Variants in ZNF710 observed in about 807,000 individuals in gnomAD.
The protein encoded by ZNF710 is zinc finger protein 710.
A neutral mutation model predicts 50.6 loss-of-function variants in ZNF710; 13 were observed. The ratio of observed to expected loss-of-function variants is 0.26; its 90% CI spans 0.17 to 0.41. ZNF710 has a LOEUF of 0.41. ZNF710 is among the 10% of genes least tolerant of loss of function. The pLI is 1.00. For missense variants in ZNF710, 721 were observed against 936.6 expected (o/e 0.77, Z 3.01); for synonymous variants, 383 against 397.0 (o/e 0.96, Z 0.42).
chr15:90,035,679 TG>T (rs1899101237), intron 1 of ZNF710, among the ~76,000 whole-genome samples: 1 of 152,202 alleles, frequency 6.6e-6, no homozygotes, highest in African/African-American at 2.4e-5. Flanking sequence ...GTCAACAACA[TG>T]GGGACGTGTA....
At chr15:90,009,786 C>T (rs1247885139) in intron 1 of ZNF710, among the ~76,000 whole-genome samples, 2 of 152,048 alleles carry the variant, frequency 1.3e-5, no homozygotes, top group Non-Finnish European at 2.9e-5. Context: ...CTCTCTCCCC[C>T]TCTTCTCCTT....
chr15:90,076,413 G>A (rs1468571695), intron 4 of ZNF710: 2 of 152,248 alleles, frequency 1.3e-5, no homozygotes, highest in Admixed American at 6.5e-5. Flanking sequence ...CTGGGACCAT[G>A]AAGAGACTGT....
At chr15:90,056,986 C>G (rs990277160) in intron 1 of ZNF710, among the ~76,000 whole-genome samples, 2 of 152,138 alleles carry the variant, frequency 1.3e-5, no homozygotes, top group Admixed American at 1.3e-4. Context: ...CTTCTGGGAT[C>G]AGCATTCCCT....
chr15:90,057,903 T>C (rs1899874694), intron 1 of ZNF710, among the ~76,000 whole-genome samples: 1 of 152,102 alleles, frequency 6.6e-6, no homozygotes, highest in Non-Finnish European at 1.5e-5. Flanking sequence ...AGTTTGTGTC[T>C]GAGAAGTCAC....
upstream of ZNF710, among the ~76,000 whole-genome samples, chr15:89,998,765 TAG>T (rs1897963318): frequency 6.6e-6 from 1 of 152,140 alleles, no homozygotes; most frequent in African/African-American, 2.4e-5. Flanking sequence ...ACAGAAAAGT[TAG>T]AGAGGTTGAC....
intron 4 of ZNF710, among the ~76,000 whole-genome samples, chr15:90,077,406 G>A (rs1359487639): frequency 6.6e-6 from 1 of 151,994 alleles, no homozygotes; most frequent in Admixed American, 6.6e-5. Context: ...ACCACGCCCG[G>A]CTAATTTTTT....
At chr15:90,057,460 C>T (rs1446526866) in intron 1 of ZNF710, among the ~76,000 whole-genome samples, 3 of 151,994 alleles carry the variant, frequency 2.0e-5, no homozygotes, top group Admixed American at 1.3e-4. Context: ...CTTCGGGAGG[C>T]CAAGCTGGGT....
intron 1 of ZNF710, among the ~76,000 whole-genome samples, chr15:90,032,155 GCCTAGCTAA>G (rs1266434131): frequency 6.6e-6 from 1 of 152,104 alleles, no homozygotes; most frequent in Non-Finnish European, 1.5e-5. Flanking sequence ...CTGCCACCAC[GCCTAGCTAA>G]TTTTTGTATT....
intron 1 of ZNF710, among the ~76,000 whole-genome samples, chr15:90,012,290 AT>A (rs1026567607): frequency 0.031 from 2,971 of 94,600 alleles, 23 homozygotes; most frequent in African/African-American, 0.074. Flanking sequence ...TTGAGTGTGC[AT>A]TTTTTTTTTT....
At chr15:90,038,578 T>C (rs1899200574) in intron 1 of ZNF710, among the ~76,000 whole-genome samples, 1 of 152,166 alleles carries the variant, frequency 6.6e-6, no homozygotes, top group Non-Finnish European at 1.5e-5. Flanking sequence ...CTACAACCCA[T>C]TCATATTTCC....
chr15:90,056,113 C>T (rs1306262968), intron 1 of ZNF710, among the ~76,000 whole-genome samples: 1 of 137,160 alleles, frequency 7.3e-6, no homozygotes, highest in Non-Finnish European at 1.5e-5. Context: ...AAGACTCCAT[C>T]TTAAAAAAAA....
chr15:90,044,871 A>G (rs1574411), intron 1 of ZNF710, among the ~76,000 whole-genome samples: 73,313 of 151,926 alleles, frequency 0.48, 21,699 homozygotes, highest in African/African-American at 0.81. Context: ...GCCACCAGTC[A>G]CTGTGGTCTG....
intron 2 of ZNF710, among the ~76,000 whole-genome samples, chr15:90,070,655 G>GA (rs1187240039): frequency 4.6e-5 from 7 of 151,226 alleles, no homozygotes; most frequent in South Asian, 4.2e-4. Flanking sequence ...TCAAAAAAAA[G>GA]AAAAAAATCA....
intron 1 of ZNF710, among the ~76,000 whole-genome samples, chr15:90,061,950 C>T (rs1900020996): frequency 1.3e-5 from 2 of 152,090 alleles, no homozygotes; most frequent in East Asian, 1.9e-4. Context: ...GACGGCGTCC[C>T]TGCTTGGGTG....
At chr15:90,017,929 C>G (rs745963909) in intron 1 of ZNF710, among the ~76,000 whole-genome samples, 9 of 152,048 alleles carry the variant, frequency 5.9e-5, no homozygotes, top group Non-Finnish European at 1.2e-4. Flanking sequence ...AGGCCATGCC[C>G]TATGGAATCT....
Position 90,080,254 on chromosome 15 carries a change from A to G in ZNF710, c.*425A>G, listed in dbSNP as rs1485779383. 6.2e-6 allele frequency: 1 copy of G among 161,248 alleles called. No individual in the cohort carries two copies. Among genetic ancestry groups the G allele is most frequent in the Non-Finnish European group, 1.3e-5 (1 of 74,450 alleles). 10.0% of individuals were successfully genotyped at this position (161,248 alleles called of 1,614,324 possible). ...TTTTTCACGGCCAACTCCTGCCTCT[A>G]AGGATGTCTGAGCTCCCCTCTGGCC... On this transcript the variant is annotated 3_prime_UTR_variant, in exon 5 of 5. Coordinates refer to ENST00000268154, the MANE Select transcript of ZNF710 (RefSeq NM_198526.4).
At chr15:90,078,863 C>T (rs1900654025) in intron 4 of ZNF710, among the ~76,000 whole-genome samples, 2 of 152,370 alleles carry the variant, frequency 1.3e-5, no homozygotes, top group South Asian at 4.1e-4. Context: ...GGGCCAGCCA[C>T]AGCCCCTGCC....
chr15:90,012,461 G>A (rs1417694738), intron 1 of ZNF710, among the ~76,000 whole-genome samples: 4 of 151,774 alleles, frequency 2.6e-5, no homozygotes, highest in South Asian at 2.1e-4. Flanking sequence ...TAGTAGAGAC[G>A]GGGTTTCACC....
At chr15:90,006,415 C>T (rs565916151) in intron 1 of ZNF710, among the ~76,000 whole-genome samples, 2 of 152,328 alleles carry the variant, frequency 1.3e-5, no homozygotes, top group South Asian at 4.1e-4. Context: ...CAGCCTGTTC[C>T]AGACCACAGC....
Sources: allele counts gnomAD v4.1 joint callset (sites outside exome capture counted in the v4.1 genomes callset), GRCh38; gene constraint gnomAD v4.1.1; transcripts MANE v1.5; gene names NCBI Gene and HGNC (gene_info 2026-07-23, HGNC 2026-07-21).